Variants in SEMA3C observed in about 807,000 individuals in gnomAD.
The protein encoded by SEMA3C is semaphorin-3C.
Under a neutral mutation model 89.4 loss-of-function variants are expected in SEMA3C, and 47 were observed. The ratio of observed to expected loss-of-function variants is 0.53; its 90% CI spans 0.42 to 0.67. The LOEUF (loss-of-function observed/expected upper bound fraction) is 0.67, where lower values mean the gene tolerates loss of function less well. Among genes scored for constraint, SEMA3C ranks in the 30% least tolerant of loss-of-function variants. The pLI, the probability that SEMA3C is intolerant of heterozygous loss-of-function variation, is 0.00. For missense variants in SEMA3C, 839 were observed against 929.1 expected (o/e 0.90, Z 1.26); for synonymous variants, 310 against 320.2 (o/e 0.97, Z 0.34).
At chr7:80,883,742 G>C (rs1562922587) in intron 2 of SEMA3C, among the ~76,000 whole-genome samples, 1 of 152,162 alleles carries the variant, frequency 6.6e-6, no homozygotes, top group Non-Finnish European at 1.5e-5. Flanking sequence ...CTGCCCTTTG[G>C]TCCTTCAGAG....
At chr7:80,851,190 C>G (rs1258219222) in intron 2 of SEMA3C, among the ~76,000 whole-genome samples, 1 of 152,106 alleles carries the variant, frequency 6.6e-6, no homozygotes, top group Non-Finnish European at 1.5e-5. Flanking sequence ...TTATTCACAT[C>G]TGCAAAGTCA....
intron 2 of SEMA3C, among the ~76,000 whole-genome samples, chr7:80,846,865 T>C (rs546296339): frequency 6.6e-6 from 1 of 152,288 alleles, no homozygotes; most frequent in Admixed American, 6.5e-5. Flanking sequence ...AGGAGTTAAG[T>C]ATGTGTTGAT....
intron 2 of SEMA3C, among the ~76,000 whole-genome samples, chr7:80,850,468 T>C (rs1009636444): frequency 6.6e-6 from 1 of 152,208 alleles, no homozygotes; most frequent in African/African-American, 2.4e-5. Flanking sequence ...AAAATGCCAG[T>C]GAATCTCTCA....
intron 2 of SEMA3C, among the ~76,000 whole-genome samples, chr7:80,836,719 G>A (rs1353481945): frequency 1.7e-4 from 25 of 144,604 alleles, no homozygotes; most frequent in Non-Finnish European, 2.5e-4. Flanking sequence ...AACAAAAACA[G>A]ACAGACAGCA....
At chr7:80,879,180 A>G (rs1316351031) in intron 2 of SEMA3C, among the ~76,000 whole-genome samples, 3 of 152,186 alleles carry the variant, frequency 2.0e-5, no homozygotes, top group African/African-American at 7.2e-5. Flanking sequence ...AGCAACTGCT[A>G]GAAAATTGAA....
At chr7:80,761,779 T>C (rs1169327752) in intron 13 of SEMA3C, 122 bp from the exon 14 acceptor site, 1 of 554,828 alleles carries the variant, frequency 1.8e-6, no homozygotes, top group Non-Finnish European at 3.2e-6. Flanking sequence ...ACATCTACTT[T>C]AAAATTACTT....
intron 12 of SEMA3C, among the ~76,000 whole-genome samples, chr7:80,783,790 G>A (rs1319141160): frequency 6.6e-6 from 1 of 152,110 alleles, no homozygotes; most frequent in African/African-American, 2.4e-5. Context: ...TCACATATGT[G>A]ACACACACTT....
chr7:80,788,471 A>C (rs1788855948), intron 12 of SEMA3C, among the ~76,000 whole-genome samples: 1 of 152,204 alleles, frequency 6.6e-6, no homozygotes, highest in Non-Finnish European at 1.5e-5. Context: ...AGTGGGTTTC[A>C]TCCCTAGAAT....
intron 12 of SEMA3C, among the ~76,000 whole-genome samples, chr7:80,788,467 T>C (rs1479707322): frequency 6.6e-6 from 1 of 152,126 alleles, no homozygotes; most frequent in Admixed American, 6.6e-5. Flanking sequence ...GATGAGTGGG[T>C]TTCATCCCTA....
At position 80,890,327 on chromosome 7, in the gene SEMA3C, C is replaced by T. The variant is rs113284177; in HGVS notation, c.103+26352G>A. Among the ~76,000 whole-genome samples the T allele has an allele frequency of 6.6e-3, 1,004 of 152,220 alleles. 14 individuals are homozygous for T. Among genetic ancestry groups the T allele is most frequent in the African/African-American group, 0.022 (912 of 41,536 alleles). ...GCTGCAAGCATTCCCAAATATTTCT[C>T]CCTTTGGTTGTGGCCCCCTTTTCAA... On this transcript the variant is annotated intron_variant, in intron 2 of 17. Coordinates refer to ENST00000265361, the MANE Select transcript of SEMA3C (RefSeq NM_006379.5).
At chr7:80,871,747 T>C (rs984386725) in intron 2 of SEMA3C, among the ~76,000 whole-genome samples, 1 of 152,216 alleles carries the variant, frequency 6.6e-6, no homozygotes, top group African/African-American at 2.4e-5. Context: ...GATATGTATT[T>C]ATAAAGCAAC....
At chr7:80,818,035 T>C (rs747035167) in intron 5 of SEMA3C, among the ~76,000 whole-genome samples, 4 of 151,408 alleles carry the variant, frequency 2.6e-5, no homozygotes, top group Non-Finnish European at 5.9e-5. Flanking sequence ...TAAAACTATA[T>C]AGTTGCCTCC....
At position 80,914,783 on chromosome 7, in the gene SEMA3C, TTTTAAG is replaced by T. The variant is rs111231323; in HGVS notation, c.103+1890_103+1895del. Among the ~76,000 whole-genome samples the T allele has an allele frequency of 7.8e-3, 1,181 of 152,282 alleles. 17 individuals carry two copies. Among genetic ancestry groups the T allele is most frequent in the African/African-American group, 0.026 (1,064 of 41,564 alleles). ...GCAAGTCTTATTCTGCAAGAATCTG[TTTTAAG>T]TTTGAGTGCATTTAAAATATTAGGC... On this transcript the variant is annotated intron_variant, in intron 2 of 17. Coordinates refer to ENST00000265361, the MANE Select transcript of SEMA3C (RefSeq NM_006379.5).
At chr7:80,922,233 G>A, upstream of SEMA3C, 2 of 1,285,792 alleles carry the variant, frequency 1.6e-6, no homozygotes, top group Non-Finnish European at 2.0e-6. Context: ...AATGTCTCAG[G>A]TTTTTCAATA....
upstream of SEMA3C, among the ~76,000 whole-genome samples, chr7:80,919,565 TTTTTG>T (rs1480040981): frequency 7.1e-6 from 1 of 141,766 alleles, no homozygotes; most frequent in Non-Finnish European, 1.5e-5. Context: ...CTGCGTTTTT[TTTTTG>T]TTTTTTGTTT....
intron 5 of SEMA3C, among the ~76,000 whole-genome samples, chr7:80,810,911 T>G (rs990201730): frequency 1.3e-5 from 2 of 152,150 alleles, no homozygotes; most frequent in African/African-American, 4.8e-5. Flanking sequence ...TAGCCCTCTT[T>G]CTATTGCACT....
chr7:80,794,294 TG>T (rs1431561230), intron 11 of SEMA3C, among the ~76,000 whole-genome samples: 2 of 152,146 alleles, frequency 1.3e-5, no homozygotes, highest in Non-Finnish European at 2.9e-5. Flanking sequence ...CAAATCAGAC[TG>T]TTTTACTACA....
chr7:80,769,597 G>C (rs1163623343), intron 12 of SEMA3C, among the ~76,000 whole-genome samples: 1 of 152,068 alleles, frequency 6.6e-6, no homozygotes, highest in Non-Finnish European at 1.5e-5. Context: ...AGTGGCTCAC[G>C]CCTGTAATCC....
chr7:80,845,063 C>G (rs1426364153), intron 2 of SEMA3C, among the ~76,000 whole-genome samples: 2 of 152,084 alleles, frequency 1.3e-5, no homozygotes, highest in Non-Finnish European at 2.9e-5. Context: ...GTTGAATCTC[C>G]AGCAGGGCCT....
Sources: allele counts gnomAD v4.1 joint callset (sites outside exome capture counted in the v4.1 genomes callset), GRCh38; gene constraint gnomAD v4.1.1; transcripts MANE v1.5; gene names NCBI Gene and HGNC (gene_info 2026-07-23, HGNC 2026-07-21).